The following CFAP47 variants were observed in gnomAD, a reference collection of about 807,000 sequenced individuals.
The protein encoded by CFAP47 is cilia and flagella associated protein 47.
A neutral mutation model predicts 148.1 loss-of-function variants in CFAP47; 29 were observed. That is an observed-to-expected ratio of 0.20 (90% confidence interval 0.15 to 0.27). The LOEUF (loss-of-function observed/expected upper bound fraction) is 0.27, where lower values mean the gene tolerates loss of function less well. CFAP47 is among the 10% of genes least tolerant of loss of function. The probability of loss-of-function intolerance (pLI) is 1.00; values close to 1 mark genes in which losing one functional copy is unlikely to be tolerated. For synonymous variants in CFAP47, 664 were observed against 577.3 expected (o/e 1.15, Z -2.15); for missense variants, 1,872 against 1,697.5 (o/e 1.10, Z -1.81).
At chrX:35,928,002 T>TATATATATAAA (rs1243162025) in intron 2 of CFAP47, among the ~76,000 whole-genome samples, 1 of 105,946 alleles carries the variant, frequency 9.4e-6, no homozygotes, top group Non-Finnish European at 1.9e-5. Context: ...CTATTTTATA[T>TATATATATAAA]ATATATATAT....
Position 35,953,642 on chromosome X carries a change from A to G in CFAP47, c.1097A>G (p.Tyr366Cys). Residue 366 changes from tyrosine to cysteine, a missense_variant, in exon 7 of 64, where the codon TAT becomes TGT. Coordinates refer to ENST00000378653, the MANE Select transcript of CFAP47 (RefSeq NM_001304548.2). Reference protein sequence around the residue: ...KDIGPSYRQDYALFLRFESVG... With the variant: ...KDIGPSYRQDCALFLRFESVG... ...ATTGGACCTTCATACAGACAGGACT[A>G]TGCTCTCTTTTTGAGATTTGAGTCC... 2 of 1,199,310 alleles carry G rather than the reference A, an allele frequency of 1.7e-6. No homozygotes were observed. The highest frequency in any genetic ancestry group is 2.3e-6 in the Non-Finnish European group (2 of 885,396).
At chrX:36,235,417 C>A (rs181285296) in intron 46 of CFAP47, among the ~76,000 whole-genome samples, 1 of 112,418 alleles carries the variant, frequency 8.9e-6, no homozygotes, top group Non-Finnish European at 1.9e-5. Flanking sequence ...TAGGACCCTC[C>A]GAGCCAGGTG....
At chrX:36,138,691 C>T (rs1252926021) in intron 35 of CFAP47, among the ~76,000 whole-genome samples, 2 of 110,662 alleles carry the variant, frequency 1.8e-5, no homozygotes, top group African/African-American at 3.3e-5. Context: ...TAGGAAAGTA[C>T]TTCCAGTCCA....
At chrX:36,317,867 A>G (rs1240086695) in intron 56 of CFAP47, among the ~76,000 whole-genome samples, 1 of 111,864 alleles carries the variant, frequency 8.9e-6, no homozygotes, top group Non-Finnish European at 1.9e-5. Flanking sequence ...CCATTTTTGA[A>G]GTGAGTAATC....
chrX:36,106,518 G>C (rs184519893), intron 33 of CFAP47, among the ~76,000 whole-genome samples: 1 of 112,019 alleles, frequency 8.9e-6, no homozygotes, highest in Non-Finnish European at 1.9e-5. Context: ...AAGGGCTGCT[G>C]TCTGTTTCCA....
At chrX:36,162,194 G>A (rs1046759530) in intron 39 of CFAP47, among the ~76,000 whole-genome samples, 1 of 111,968 alleles carries the variant, frequency 8.9e-6, no homozygotes, top group Non-Finnish European at 1.9e-5. Flanking sequence ...AATGGTTAAT[G>A]CTTATAAGGG....
Position 36,305,926 on chromosome X carries a change from A to G in CFAP47, c.8083-846A>G, listed in dbSNP as rs782033906. ...TGTAATAAACAGGTGACTGTGTTCT[A>G]AATATAAAATTTAGTTTGCATTTGC... On this transcript the variant is annotated intron_variant, in intron 54 of 63. Transcript: ENST00000378653. 8.1e-4 allele frequency among the ~76,000 whole-genome samples: 91 copies of G among 111,831 alleles called. 1 individual carries two copies. Among genetic ancestry groups the G allele is most frequent in the African/African-American group, 2.9e-3 (91 of 30,924 alleles).
chrX:36,060,055 C>T (rs1937582053), intron 26 of CFAP47, among the ~76,000 whole-genome samples: 1 of 111,167 alleles, frequency 9.0e-6, no homozygotes, highest in South Asian at 3.8e-4. Context: ...CTGAGGCCCT[C>T]ACCAGAAGCA....
intron 33 of CFAP47, among the ~76,000 whole-genome samples, chrX:36,126,783 G>A (rs184791942): frequency 9.9e-4 from 111 of 111,703 alleles, no homozygotes; most frequent in Non-Finnish European, 1.9e-3. Flanking sequence ...TTTAATGATC[G>A]CCATTCTAAC....
intron 30 of CFAP47, among the ~76,000 whole-genome samples, chrX:36,087,159 C>G (rs1938103052): frequency 8.9e-6 from 1 of 112,035 alleles, no homozygotes; most frequent in South Asian, 3.7e-4. Context: ...TCTGAGAGTT[C>G]TTAATACAAT....
At chrX:35,924,319 GTA>G (rs1317516187) in intron 1 of CFAP47, among the ~76,000 whole-genome samples, 5 of 101,045 alleles carry the variant, frequency 4.9e-5, no homozygotes, top group Non-Finnish European at 7.7e-5. Flanking sequence ...ATATGTACAT[GTA>G]TGTGTATATG....
At chrX:36,065,231 A>C (rs886787221) in intron 26 of CFAP47, among the ~76,000 whole-genome samples, 2 of 111,714 alleles carry the variant, frequency 1.8e-5, no homozygotes, top group Non-Finnish European at 3.8e-5. Flanking sequence ...CTCTCCAGAT[A>C]TAAAATGGGC....
At chrX:36,133,816 G>C (rs1450847448) in intron 33 of CFAP47, among the ~76,000 whole-genome samples, 1 of 102,852 alleles carries the variant, frequency 9.7e-6, no homozygotes, top group South Asian at 4.2e-4. Context: ...AAAAAGAAAA[G>C]AAAAAGAAAG....
rs139151165 is a variant in CFAP47 at position 35,993,349 on chromosome X, C to A, written c.3099+28C>A. 730 of 288,395 alleles carry A rather than the reference C, an allele frequency of 2.5e-3. 7 individuals are homozygous for A. Among genetic ancestry groups the A allele is most frequent in the African/African-American group, 0.018 (665 of 35,990 alleles). The allele number at this position is 288,395 out of a possible 1,213,427, so 23.8% of individuals were successfully genotyped here. On this transcript the variant is annotated intron_variant, in intron 18 of 63. Transcript: ENST00000378653. ...ATGTCCATACATATGAGTTTTTGCA[C>A]CTTACATATGTCTATGTGGGTTTGT...
chrX:36,275,183 C>T (rs782110001), intron 49 of CFAP47, among the ~76,000 whole-genome samples: 3 of 110,215 alleles, frequency 2.7e-5, no homozygotes, highest in Non-Finnish European at 5.7e-5. Context: ...ACCTCCCAGG[C>T]TCAAGTGATT....
chrX:36,005,993 T>A (rs1488218326), intron 21 of CFAP47, among the ~76,000 whole-genome samples: 2 of 111,096 alleles, frequency 1.8e-5, no homozygotes, highest in Non-Finnish European at 3.8e-5. Flanking sequence ...AAAATTATTT[T>A]AAGGCCAAGT....
chrX:36,060,750 A>G (rs1049243329), intron 26 of CFAP47, among the ~76,000 whole-genome samples: 14 of 111,420 alleles, frequency 1.3e-4, no homozygotes, highest in African/African-American at 4.6e-4. Flanking sequence ...TTCATAGCAC[A>G]TATTTTCTAG....
chrX:36,049,417 C>T (rs899146266), intron 26 of CFAP47, among the ~76,000 whole-genome samples: 3 of 108,451 alleles, frequency 2.8e-5, no homozygotes, highest in Non-Finnish European at 5.7e-5. Context: ...TACTATATGT[C>T]ATATATAGAT....
At chrX:36,080,950 G>A (rs1209090677) in intron 29 of CFAP47, among the ~76,000 whole-genome samples, 2 of 111,120 alleles carry the variant, frequency 1.8e-5, no homozygotes, top group African/African-American at 6.5e-5. Flanking sequence ...AGAAAAACTA[G>A]GAAAACTAAC....
Sources: allele counts gnomAD v4.1 joint callset (sites outside exome capture counted in the v4.1 genomes callset), GRCh38; gene constraint gnomAD v4.1.1; transcripts MANE v1.5; gene names NCBI Gene and HGNC (gene_info 2026-07-23, HGNC 2026-07-21).